The following ERICH6 variants were observed in gnomAD, a reference collection of about 807,000 sequenced individuals.
ERICH6 encodes the protein glutamate rich 6.
ERICH6 carries 71 observed loss-of-function variants against 71.0 expected under a neutral mutation model. The observed-to-expected ratio is 1.00, with a 90% CI of 0.83 to 1.22. The LOEUF (loss-of-function observed/expected upper bound fraction) is 1.22, where lower values mean the gene tolerates loss of function less well. ERICH6 is among the 50% of genes most tolerant of loss of function. The pLI is 0.00. For missense variants in ERICH6, 808 were observed against 797.2 expected (o/e 1.01, Z -0.16); for synonymous variants, 262 against 278.4 (o/e 0.94, Z 0.59).
In ERICH6 at chr3:150,669,081, T is replaced by C. The variant is rs113187592; in HGVS notation, c.1499+215A>G. The stretch of plus-strand genomic sequence containing the variant: ...ATTCTTACTATGTATAGAAATAATA[T>C]GATGAGCTTTATTTTTATAATTGCT... On this transcript the variant is annotated intron_variant, in intron 12 of 13. Coordinates refer to ENST00000295910, the MANE Select transcript of ERICH6 (RefSeq NM_152394.5). Among the ~76,000 whole-genome samples, 735 of 152,316 alleles carry C rather than the reference T, an allele frequency of 4.8e-3. 2 individuals are homozygous for C. The highest frequency in any genetic ancestry group is 0.017 in the African/African-American group (693 of 41,570).
intron 2 of ERICH6, among the ~76,000 whole-genome samples, chr3:150,701,519 C>G (rs1329453740): frequency 1.3e-5 from 2 of 152,014 alleles, no homozygotes; most frequent in Admixed American, 1.3e-4. Flanking sequence ...AAAAGGATAA[C>G]TAAAAACATG....
Position 150,672,418 on chromosome 3 carries a change from C to G in ERICH6, c.1343+1538G>C, listed in dbSNP as rs185698904. On this transcript the variant is annotated intron_variant, in intron 11 of 13. Transcript: ENST00000295910. The stretch of plus-strand genomic sequence containing the variant: ...TTCAAGACCAGCCTTGGCAACATAG[C>G]GAAACCCTGTCTCTACTAAAAATAC... Among the ~76,000 whole-genome samples the G allele has an allele frequency of 4.0e-3, 608 of 150,802 alleles. 8 individuals carry two copies. The highest frequency in any genetic ancestry group is 0.014 in the African/African-American group (589 of 41,096).
intron 3 of ERICH6, among the ~76,000 whole-genome samples, chr3:150,689,943 T>C (rs1210521442): frequency 2.0e-5 from 3 of 152,218 alleles, no homozygotes; most frequent in Non-Finnish European, 2.9e-5. Flanking sequence ...TTAACTGATA[T>C]AGTTACTGCA....
chr3:150,679,418 T>C (rs368272226), intron 9 of ERICH6, among the ~76,000 whole-genome samples: 55 of 152,190 alleles, frequency 3.6e-4, no homozygotes, highest in African/African-American at 1.3e-3. Flanking sequence ...ATTCTTATGC[T>C]TTTGCGTCCT....
In ERICH6 at chr3:150,703,558, T is replaced by G; in HGVS notation, c.341A>C (p.Gln114Pro). Residue 114 changes from glutamine to proline, a missense_variant, in exon 1 of 14, where the codon CAG becomes CCG. Gln to Pro is a moderately conservative substitution (Grantham distance 76, BLOSUM62 -1). Coordinates refer to ENST00000295910, the MANE Select transcript of ERICH6 (RefSeq NM_152394.5). ...PSLTSTFVPS[Q>P]SATSTETPSA... ...CGGCGTTTCAGTGCTGGTCGCGCTCTGGCTGGGCACGAACGTAGAGGTCAG... is the reference window on the plus strand; with the variant it reads ...CGGCGTTTCAGTGCTGGTCGCGCTCGGGCTGGGCACGAACGTAGAGGTCAG... 1 of 1,613,284 alleles carries G rather than the reference T, an allele frequency of 6.2e-7. No individual in the cohort carries two copies. The highest frequency in any genetic ancestry group is 1.1e-5 in the South Asian group (1 of 91,036).
In ERICH6 at chr3:150,688,136, T is replaced by C. The variant is rs574194659; in HGVS notation, c.554-1782A>G. 7.9e-5 allele frequency among the ~76,000 whole-genome samples: 12 copies of C among 152,018 alleles called. No homozygotes were observed. The East Asian group carries it at 2.3e-3, about 29-fold the overall frequency. On this transcript the variant is annotated intron_variant, in intron 3 of 13. Transcript: ENST00000295910. ...TTGTCTCAAAAAGTAAATAAACAAA[T>C]AAATAAATTTTTTTAAAAAAGAAGT...
intron 10 of ERICH6, 129 bp from the exon 11 acceptor site, chr3:150,674,170 C>T (rs898552734): frequency 3.9e-5 from 27 of 683,846 alleles, no homozygotes; most frequent in Non-Finnish European, 6.6e-5. Context: ...GTTGGCCCTG[C>T]TTCAACAACA....
At chr3:150,686,111 C>T in intron 4 of ERICH6, 90 bp from the exon 5 acceptor site, 12 of 1,253,834 alleles carry the variant, frequency 9.6e-6, no homozygotes, top group Non-Finnish European at 1.3e-5. Context: ...CACCCACCAT[C>T]ATCCTCCTTG....
chr3:150,660,154 A>G lies in ERICH6; in HGVS notation c.1730T>C (p.Leu577Pro), dbSNP rs1332750294. 6.2e-7 allele frequency: 1 copy of G among 1,608,984 alleles called. No individual in the cohort carries two copies. Reference protein sequence around the residue: ...ARISVGTKVKLPNPEEIPILR... With the variant: ...ARISVGTKVKPPNPEEIPILR... ...GATTGGAATCTCCTCAGGGTTTGGT[A>G]GCTTTTCAGCAAAGAGAAAGAGAAG... The change falls in exon 14 of 14, where the codon CTA becomes CCA. Residue 577 changes from leucine to proline, a missense_variant and splice_region_variant. Leu to Pro is a moderately conservative substitution (Grantham distance 98). This residue lies in a region of ERICH6 where 736 missense variants were observed against 712.2 expected (regional missense o/e 1.03). Transcript: ENST00000295910.
intron 3 of ERICH6, among the ~76,000 whole-genome samples, chr3:150,688,238 T>C (rs904148254): frequency 5.3e-5 from 8 of 152,214 alleles, no homozygotes; most frequent in African/African-American, 1.9e-4. Context: ...CATCTTTCTC[T>C]ATAGAAATGC....
At position 150,669,330 on chromosome 3, in the gene ERICH6, T is replaced by G. The variant is rs1711496886; in HGVS notation, c.1465A>C (p.Arg489=). The G allele has an allele frequency of 1.9e-6, 3 of 1,612,174 alleles. No homozygotes were observed. The highest frequency in any genetic ancestry group is 1.3e-5 in the African/African-American group (1 of 75,004). ...CCATTGGGATGATAGCAGGAACTTC[T>G]GCCAGAGGAATCCAGCACTGCTAGG... ...AILAVLDSSG[R]SSCYHPNGNV... is the part of the protein sequence containing the mutation. Residue 489 remains arginine, a synonymous_variant, in exon 12 of 14, where the codon AGA becomes CGA. Transcript: ENST00000295910.
chr3:150,672,358 G>A (rs896392629), intron 11 of ERICH6, among the ~76,000 whole-genome samples: 5 of 151,340 alleles, frequency 3.3e-5, no homozygotes, highest in African/African-American at 9.7e-5. Flanking sequence ...AGCACTTTGG[G>A]AGGCCAAGGT....
chr3:150,693,228 T>C (rs935104510), intron 3 of ERICH6, among the ~76,000 whole-genome samples: 1 of 152,220 alleles, frequency 6.6e-6, no homozygotes, highest in Non-Finnish European at 1.5e-5. Context: ...TTTGTATAAG[T>C]GCAATAAGAA....
chr3:150,672,616 A>G (rs557169083), intron 11 of ERICH6, among the ~76,000 whole-genome samples: 1 of 150,478 alleles, frequency 6.6e-6, no homozygotes, highest in African/African-American at 2.5e-5. Flanking sequence ...AACAAAAACC[A>G]TATATTTTTC....
intron 3 of ERICH6, among the ~76,000 whole-genome samples, chr3:150,689,453 A>G (rs908167328): frequency 6.6e-6 from 1 of 152,118 alleles, no homozygotes; most frequent in East Asian, 1.9e-4. Flanking sequence ...TTCTGGTTTG[A>G]TACTTGGTAC....
At chr3:150,685,014 AAAT>A in intron 6 of ERICH6, among the ~76,000 whole-genome samples, 1 of 151,666 alleles carries the variant, frequency 6.6e-6, no homozygotes, top group South Asian at 2.1e-4. Context: ...CAAAAAAAAA[AAAT>A]AATAATAATT....
chr3:150,660,996 A>T (rs1171902567), intron 13 of ERICH6, among the ~76,000 whole-genome samples: 1 of 152,244 alleles, frequency 6.6e-6, no homozygotes, highest in Non-Finnish European at 1.5e-5. Context: ...CTTTTACCCC[A>T]AATATCACAC....
At chr3:150,683,037 C>A (rs1246429273) in intron 6 of ERICH6, among the ~76,000 whole-genome samples, 1 of 152,138 alleles carries the variant, frequency 6.6e-6, no homozygotes, top group Non-Finnish European at 1.5e-5. Context: ...TCAGGACAGG[C>A]CTCCAGGAAG....
chr3:150,696,873 A>C (rs1256922580), intron 3 of ERICH6, among the ~76,000 whole-genome samples: 3 of 152,130 alleles, frequency 2.0e-5, no homozygotes, highest in Non-Finnish European at 4.4e-5. Context: ...GTGATGATTA[A>C]AATGTGTAAC....
Sources: allele counts gnomAD v4.1 joint callset (sites outside exome capture counted in the v4.1 genomes callset), GRCh38; gene constraint gnomAD v4.1.1; regional missense constraint gnomAD v4.1.1; transcripts MANE v1.5; gene names NCBI Gene and HGNC (gene_info 2026-07-23, HGNC 2026-07-21).